Variants in LRP1B observed in about 807,000 individuals in gnomAD.
LRP1B encodes the protein LDL receptor related protein 1B, also known as low-density lipoprotein receptor-related protein 1B.
A neutral mutation model predicts 556.6 loss-of-function variants in LRP1B; 217 were observed. The ratio of observed to expected loss-of-function variants is 0.39; its 90% CI spans 0.35 to 0.44. The LOEUF is 0.44. Ranked by LOEUF, LRP1B falls within the 20% of genes least tolerant of loss-of-function variation. The pLI, the probability that LRP1B is intolerant of heterozygous loss-of-function variation, is 1.00. For missense variants in LRP1B, 5,053 were observed against 5,620.8 expected, an observed-to-expected ratio of 0.90 and a Z score of 3.23; for synonymous variants, 2,047 against 1,865.8, an observed-to-expected ratio of 1.10 and a Z score of -2.50.
chr2:141,562,181 C>T (rs545178999), intron 2 of LRP1B, among the ~76,000 whole-genome samples: 2 of 151,930 alleles, frequency 1.3e-5, no homozygotes, highest in Middle Eastern at 3.4e-3. Flanking sequence ...GCTGAGAAGT[C>T]GATTCAATCT....
chr2:141,210,503 TG>T (rs1323630942), intron 6 of LRP1B, among the ~76,000 whole-genome samples: 1 of 152,190 alleles, frequency 6.6e-6, no homozygotes, highest in Admixed American at 6.5e-5. Flanking sequence ...TTAAACATTA[TG>T]GGTTTCAAAT....
At chr2:141,296,199 T>G (rs1351687717) in intron 3 of LRP1B, among the ~76,000 whole-genome samples, 1 of 152,138 alleles carries the variant, frequency 6.6e-6, no homozygotes, top group African/African-American at 2.4e-5. Flanking sequence ...TATTTTCAAA[T>G]GAGGAAACTG....
In LRP1B at chr2:141,861,830, T is replaced by A. The variant is rs539933752; in HGVS notation, c.83-51429A>T. 1.8e-4 allele frequency among the ~76,000 whole-genome samples: 28 copies of A among 151,954 alleles called. No individual in the cohort carries two copies. In the South Asian group the frequency reaches 5.6e-3, roughly 30 times the overall value. ...CTATAGTCCCAGTCACGCTGGAGGC[T>A]GAGGCAGGAGAATTGCTTGAACTCG... On this transcript the variant is annotated intron_variant, in intron 1 of 90. Coordinates refer to ENST00000389484, the MANE Select transcript of LRP1B (RefSeq NM_018557.3).
At chr2:140,697,598 T>G (rs933812067) in intron 41 of LRP1B, among the ~76,000 whole-genome samples, 1 of 152,122 alleles carries the variant, frequency 6.6e-6, no homozygotes, top group Non-Finnish European at 1.5e-5. Context: ...TGAAATATTA[T>G]TCAGCCATAA....
At chr2:140,627,858 G>C (rs942521748) in intron 41 of LRP1B, among the ~76,000 whole-genome samples, 1 of 152,064 alleles carries the variant, frequency 6.6e-6, no homozygotes, top group Admixed American at 6.5e-5. Context: ...AGACATGAAA[G>C]CAGACTGGAG....
In LRP1B at chr2:141,963,281, T is replaced by A. The variant is rs190155375; in HGVS notation, c.83-152880A>T. On this transcript the variant is annotated intron_variant, in intron 1 of 90. Coordinates refer to ENST00000389484, the MANE Select transcript of LRP1B (RefSeq NM_018557.3). ...TTTCTACTTCTCTTTGGAGGTGTGC[T>A]GGAATATGAATACATCAATTTCAAT... Among the ~76,000 whole-genome samples the A allele has an allele frequency of 2.2e-3, 336 of 152,028 alleles. 1 individual carries two copies. The highest frequency in any genetic ancestry group is 4.1e-3 in the Non-Finnish European group (275 of 67,896).
At chr2:140,646,617 A>G (rs1340132249) in intron 41 of LRP1B, among the ~76,000 whole-genome samples, 7 of 152,174 alleles carry the variant, frequency 4.6e-5, no homozygotes, top group African/African-American at 1.4e-4. Flanking sequence ...TATAGCATTC[A>G]TATTTTTTAA....
chr2:142,037,092 C>T (rs1036440757), intron 1 of LRP1B, among the ~76,000 whole-genome samples: 11 of 151,552 alleles, frequency 7.3e-5, no homozygotes, highest in African/African-American at 1.9e-4. Context: ...TCTTTATTCA[C>T]GTTCATAAAT....
rs1332413211 is a variant in LRP1B, at chr2:141,175,603, G to A, written c.1013+12818C>T. On this transcript the variant is annotated intron_variant, in intron 7 of 90. Coordinates refer to ENST00000389484, the MANE Select transcript of LRP1B (RefSeq NM_018557.3). ...ATGTATGAAAACGTTTGGATGTCCAGGCAGAAGTCTGCTGCAGGACTGGAG... is the reference window on the plus strand; with the variant it reads ...ATGTATGAAAACGTTTGGATGTCCAAGCAGAAGTCTGCTGCAGGACTGGAG... 2.0e-5 allele frequency among the ~76,000 whole-genome samples: 3 copies of A among 152,126 alleles called. No homozygotes were observed. The East Asian group carries it at 5.8e-4, about 30-fold the overall frequency.
At position 141,381,018 on chromosome 2, in the gene LRP1B, C is replaced by T. The variant is rs535767451; in HGVS notation, c.343+99378G>A. On this transcript the variant is annotated intron_variant, in intron 3 of 90. Coordinates refer to ENST00000389484, the MANE Select transcript of LRP1B (RefSeq NM_018557.3). ...GTAGAAACTAACAGAGTTAGTTAGT[C>T]AAGAAAAGTGAAGAAAACATATGAA... 2.3e-4 allele frequency among the ~76,000 whole-genome samples: 35 copies of T among 151,592 alleles called. 1 individual carries two copies. The highest frequency in any genetic ancestry group is 7.7e-4 in the African/African-American group (32 of 41,294).
chr2:140,302,930 G>A (rs751894368), intron 83 of LRP1B, among the ~76,000 whole-genome samples: 4 of 149,562 alleles, frequency 2.7e-5, no homozygotes, highest in Non-Finnish European at 5.9e-5. Flanking sequence ...GCCTTTGCTG[G>A]TCCTTGAGTG....
At chr2:140,549,000 T>A (rs989738157) in intron 43 of LRP1B, among the ~76,000 whole-genome samples, 1 of 152,062 alleles carries the variant, frequency 6.6e-6, no homozygotes, top group African/African-American at 2.4e-5. Flanking sequence ...AACATTATCT[T>A]TCTGATTTCC....
chr2:141,254,120 G>A (rs1684371731), intron 4 of LRP1B, among the ~76,000 whole-genome samples: 1 of 151,972 alleles, frequency 6.6e-6, no homozygotes, highest in Non-Finnish European at 1.5e-5. Context: ...AATGCCAGCT[G>A]CCAGAATAAC....
chr2:140,729,570 C>T (rs531522918), intron 35 of LRP1B, among the ~76,000 whole-genome samples: 68 of 152,160 alleles, frequency 4.5e-4, no homozygotes, highest in African/African-American at 1.1e-3. Context: ...AACAAATTCC[C>T]GCTTTAAAAA....
intron 41 of LRP1B, among the ~76,000 whole-genome samples, chr2:140,658,763 T>C (rs1430840444): frequency 1.3e-5 from 2 of 152,096 alleles, no homozygotes; most frequent in African/African-American, 2.4e-5. Context: ...GGGTTCTGTA[T>C]GAACCTTCAG....
chr2:141,807,919 G>A (rs1574382996), intron 2 of LRP1B, among the ~76,000 whole-genome samples: 1 of 152,162 alleles, frequency 6.6e-6, no homozygotes, highest in East Asian at 1.9e-4. Context: ...CTAGAGACAT[G>A]GAGTGGACAT....
chr2:140,323,516 C>G (rs533306300), intron 81 of LRP1B, among the ~76,000 whole-genome samples: 8 of 151,880 alleles, frequency 5.3e-5, no homozygotes, highest in Admixed American at 2.0e-4. Flanking sequence ...TGATGAGTTA[C>G]TGGGTGCAGC....
At chr2:141,109,058 G>C (rs1700682669) in intron 7 of LRP1B, among the ~76,000 whole-genome samples, 2 of 152,108 alleles carry the variant, frequency 1.3e-5, no homozygotes, top group Non-Finnish European at 2.9e-5. Context: ...CACTATTGTA[G>C]AACCTAAGAT....
At chr2:141,273,826 G>A (rs111358828) in intron 3 of LRP1B, among the ~76,000 whole-genome samples, 21 of 152,264 alleles carry the variant, frequency 1.4e-4, no homozygotes, top group African/African-American at 4.8e-4. Context: ...ATCCAATCTG[G>A]TGAGAGACTT....
Sources: allele counts gnomAD v4.1 joint callset (sites outside exome capture counted in the v4.1 genomes callset), GRCh38; gene constraint gnomAD v4.1.1; transcripts MANE v1.5; gene names NCBI Gene and HGNC (gene_info 2026-07-23, HGNC 2026-07-21).